The following TMIGD3 variants were observed in gnomAD, a reference collection of about 807,000 sequenced individuals.
The protein encoded by TMIGD3 is AD026 protein (AD026).
TMIGD3 carries 21 observed loss-of-function variants against 28.1 expected under a neutral mutation model. That is an observed-to-expected ratio of 0.75 (90% confidence interval 0.53 to 1.08). The LOEUF (loss-of-function observed/expected upper bound fraction) is 1.08, where lower values mean the gene tolerates loss of function less well. Among genes scored for constraint, TMIGD3 ranks in the 50% least tolerant of loss-of-function variants. TMIGD3 has a pLI of 0.00. For missense variants in TMIGD3, 416 were observed against 435.6 expected, an observed-to-expected ratio of 0.96 and a Z score of 0.40; for synonymous variants, 151 against 162.1, an observed-to-expected ratio of 0.93 and a Z score of 0.52.
chr1:111,524,327 CCTT>C (rs930113602), intron 1 of TMIGD3, among the ~76,000 whole-genome samples: 7 of 152,014 alleles, frequency 4.6e-5, no homozygotes, highest in African/African-American at 1.7e-4. Context: ...TCGCGCCCGG[CCTT>C]CTTTTTCTTT....
chr1:111,544,707 C>T (rs1424919824), intron 1 of TMIGD3, among the ~76,000 whole-genome samples: 1 of 152,098 alleles, frequency 6.6e-6, no homozygotes, highest in Admixed American at 6.5e-5. Context: ...TTGAATTATA[C>T]ATTCAAAACG....
intron 1 of TMIGD3, among the ~76,000 whole-genome samples, chr1:111,556,829 G>A (rs1346272645): frequency 6.6e-6 from 1 of 152,018 alleles, no homozygotes; most frequent in Non-Finnish European, 1.5e-5. Context: ...AGTAATGATT[G>A]CACAACAATG....
chr1:111,539,874 A>C (rs1008383390), intron 1 of TMIGD3, among the ~76,000 whole-genome samples: 48 of 152,224 alleles, frequency 3.2e-4, no homozygotes, highest in African/African-American at 1.1e-3. Flanking sequence ...TGAAAGCCTT[A>C]ACTAGCTAGC....
chr1:111,542,087 T>A (rs1295075081), intron 1 of TMIGD3: 2 of 2,682 alleles, frequency 7.5e-4, no homozygotes, highest in African/African-American at 1.8e-3. Flanking sequence ...CAAAGAAGCT[T>A]TTTTTTTTTT....
Position 111,491,616 on chromosome 1 carries a change from G to A in TMIGD3, c.351-854C>T, listed in dbSNP as rs543717233. Among the ~76,000 whole-genome samples the A allele has an allele frequency of 2.0e-5, 3 of 152,318 alleles. No individual in the cohort carries two copies. The East Asian group carries it at 5.8e-4, about 29-fold the overall frequency. On this transcript the variant is annotated intron_variant, in intron 1 of 5. Coordinates refer to ENST00000369716, the MANE Select transcript of TMIGD3 (RefSeq NM_020683.7). ...TGTGAAGTCAGCATGTGGGCAAGCA[G>A]CAAGCCTTCATGATGGTAGGTTTTT... is the stretch of plus-strand genomic sequence containing the variant.
intron 1 of TMIGD3, among the ~76,000 whole-genome samples, chr1:111,521,276 G>A (rs957977906): frequency 2.6e-5 from 4 of 152,162 alleles, no homozygotes; most frequent in Non-Finnish European, 4.4e-5. Context: ...GTGAGGACAT[G>A]TTTTTGGGGT....
intron 1 of TMIGD3, among the ~76,000 whole-genome samples, chr1:111,509,440 T>G (rs1655619241): frequency 6.6e-6 from 1 of 152,198 alleles, no homozygotes; most frequent in South Asian, 2.1e-4. Flanking sequence ...ATCACAGTGG[T>G]AGGGCCTCAT....
chr1:111,500,249 C>T, intron 1 of TMIGD3: 1 of 1,614,182 alleles, frequency 6.2e-7, no homozygotes. Context: ...CCATAAAATG[C>T]ACCTGTCTCT....
chr1:111,487,508 GAA>G (rs111697680), intron 3 of TMIGD3, among the ~76,000 whole-genome samples: 3 of 142,316 alleles, frequency 2.1e-5, no homozygotes, highest in African/African-American at 7.7e-5. Flanking sequence ...AGGGGAAAGA[GAA>G]AAAAAAAAAG....
At chr1:111,541,401 C>T (rs1254313207) in intron 1 of TMIGD3, among the ~76,000 whole-genome samples, 1 of 152,172 alleles carries the variant, frequency 6.6e-6, no homozygotes, top group Non-Finnish European at 1.5e-5. Context: ...TATGATTACC[C>T]TAAAAGAATT....
chr1:111,550,250 AT>A (rs1470235269), intron 1 of TMIGD3, among the ~76,000 whole-genome samples: 1 of 152,108 alleles, frequency 6.6e-6, no homozygotes, highest in East Asian at 1.9e-4. Flanking sequence ...AGGATTGCCT[AT>A]TTTGTTGACC....
chr1:111,485,725 A>AAAAAAACAAAATAAAC lies in TMIGD3; in HGVS notation c.973+14_973+15insGTTTATTTTGTTTTTT. On this transcript the variant is annotated intron_variant, in intron 5 of 5. Coordinates refer to ENST00000369716, the MANE Select transcript of TMIGD3 (RefSeq NM_020683.7). ...TAATTCTTGCCCACCCCCTCCCTCA[A>AAAAAAACAAAATAAAC]CAATAGCTACTTACCCCTTCTATTC... is the stretch of plus-strand genomic sequence containing the variant. 2 of 1,419,108 alleles carry AAAAAAACAAAATAAAC rather than the reference A, an allele frequency of 1.4e-6. No homozygotes were observed. Among genetic ancestry groups the AAAAAAACAAAATAAAC allele is most frequent in the African/African-American group, 1.5e-5 (1 of 68,738 alleles). The allele number at this position is 1,419,108 out of a possible 1,614,324, so 87.9% of individuals were successfully genotyped here.
rs753265126 is a variant in TMIGD3, at chr1:111,488,690, A to T, written c.792T>A (p.Phe264Leu). The change falls in exon 3 of 6, where the codon TTT (phenylalanine) becomes TTA (leucine). Residue 264 changes from phenylalanine to leucine, a missense_variant. Physicochemically the swap from Phe to Leu is conservative, Grantham distance 22 (BLOSUM62 0). Transcript: ENST00000369716. ...CAGGCTCCTTACCTTTCCCAGACCA[A>T]AAGTCATTGGCCAGGGTTCCTTTGT... ...TDDKGTLANDFWSGKDLSGNK... is the reference protein window; with the variant it reads ...TDDKGTLANDLWSGKDLSGNK... The T allele has an allele frequency of 6.2e-7, 1 of 1,613,486 alleles. No individual in the cohort carries two copies. The highest frequency in any genetic ancestry group is 1.1e-5 in the South Asian group (1 of 91,076).
At chr1:111,529,783 C>T (rs760055465) in intron 1 of TMIGD3, among the ~76,000 whole-genome samples, 15,363 of 151,504 alleles carry the variant, frequency 0.1, 807 homozygotes, top group Non-Finnish European at 0.13. Flanking sequence ...TACACAGACA[C>T]GGCAACCATC....
In TMIGD3 at chr1:111,488,868, C is replaced by T. The variant is rs776212806; in HGVS notation, c.614G>A (p.Ser205Asn). The T allele has an allele frequency of 5.6e-6, 9 of 1,614,128 alleles. No individual in the cohort carries two copies. The Middle Eastern group carries it at 1.3e-3, about 237-fold the overall frequency. ...GTCCCTCAGGGCCACATGATTGGTG[C>T]TGTTAGGGGAGAAGGCGATGATGTT... ...YCNIIAFSPN[S>N]TNHVALRDTG... The change falls in exon 3 of 6, where the codon AGC becomes AAC. Residue 205 changes from serine to asparagine, a missense_variant. Physicochemically the swap from Ser to Asn is conservative, Grantham distance 46. Coordinates refer to ENST00000369716, the MANE Select transcript of TMIGD3 (RefSeq NM_020683.7).
chr1:111,503,619 A>T lies in TMIGD3; in HGVS notation c.-265T>A. 39 of 1,262,102 alleles carry T rather than the reference A, an allele frequency of 3.1e-5. No individual in the cohort carries two copies. The highest frequency in any genetic ancestry group is 3.8e-5 in the Non-Finnish European group (38 of 994,578). The allele number at this position is 1,262,102 out of a possible 1,614,324, so 78.2% of individuals were successfully genotyped here. ...TCAAGTTTCCAGAATGCTGTAGGAC[A>T]GCTCTATATGGACTGAATCTGAAAG... On this transcript the variant is annotated 5_prime_UTR_variant, in exon 1 of 6. Coordinates refer to ENST00000369716, the MANE Select transcript of TMIGD3 (RefSeq NM_020683.7).
rs541570622 is a variant in TMIGD3 at position 111,517,046 on chromosome 1, C to G, written c.108-26284G>C. On this transcript the variant is annotated intron_variant, in intron 1 of 5. Transcript: ENST00000369717. ...GACTATTATGGCCCCATCCCACACT[C>G]TCTCACTCTCACTCTCCCTTCCTCC... 5.9e-5 allele frequency among the ~76,000 whole-genome samples: 9 copies of G among 151,880 alleles called. No homozygotes were observed. The South Asian group carries it at 1.9e-3, about 31-fold the overall frequency.
chr1:111,492,028 A>C (rs1654691215), intron 1 of TMIGD3, among the ~76,000 whole-genome samples: 2 of 152,186 alleles, frequency 1.3e-5, no homozygotes, highest in African/African-American at 4.8e-5. Flanking sequence ...AGGTCATAAA[A>C]GGCGTGCAAC....
chr1:111,496,416 G>A (rs562232868), intron 1 of TMIGD3, among the ~76,000 whole-genome samples: 89 of 152,204 alleles, frequency 5.8e-4, no homozygotes, highest in African/African-American at 2.0e-3. Context: ...AAAATTAATC[G>A]GACGGCCATT....
Sources: gnomAD v4.1 joint callset for allele counts (sites outside exome capture counted in the v4.1 genomes callset) on GRCh38, gnomAD v4.1.1 for gene constraint, MANE v1.5 for transcripts, NCBI Gene and HGNC (gene_info 2026-07-23, HGNC 2026-07-21) for gene names.